SHB: variants seen among roughly 807,000 people sequenced by gnomAD.
SHB encodes the protein SH2 domain-containing adapter protein B.
SHB carries 20 observed loss-of-function variants against 52.3 expected under a neutral mutation model. The observed-to-expected ratio is 0.38, with a 90% CI of 0.27 to 0.56. SHB has a LOEUF of 0.56. Ranked by LOEUF, SHB falls within the 20% of genes least tolerant of loss-of-function variation. The pLI is 0.71. For missense variants in SHB, 825 were observed against 723.3 expected (o/e 1.14, Z -1.61); for synonymous variants, 397 against 316.5 (o/e 1.25, Z -2.70).
intron 4 of SHB, among the ~76,000 whole-genome samples, chr9:37,951,472 C>T (rs1832565982): frequency 6.6e-6 from 1 of 152,228 alleles, no homozygotes; most frequent in Non-Finnish European, 1.5e-5. Flanking sequence ...TAAGAGTTAA[C>T]AGGTTTGGGA....
chr9:38,036,576 A>G (rs1821490616), intron 1 of SHB, among the ~76,000 whole-genome samples: 2 of 152,306 alleles, frequency 1.3e-5, no homozygotes, highest in Middle Eastern at 3.4e-3. Flanking sequence ...CTCAACGTCT[A>G]CAGAGCAAAT....
At chr9:38,040,933 C>A (rs1041421723) in intron 1 of SHB, among the ~76,000 whole-genome samples, 1 of 151,902 alleles carries the variant, frequency 6.6e-6, no homozygotes, top group South Asian at 2.1e-4. Context: ...TAAAGCCACA[C>A]TGGGGACACG....
intron 5 of SHB, among the ~76,000 whole-genome samples, chr9:37,930,101 CA>C (rs1832296394): frequency 6.6e-6 from 1 of 152,046 alleles, no homozygotes; most frequent in Admixed American, 6.6e-5. Context: ...GACCCTGTCT[CA>C]AAAAACAAAA....
At chr9:38,051,929 T>C (rs1821755981) in intron 1 of SHB, among the ~76,000 whole-genome samples, 1 of 152,188 alleles carries the variant, frequency 6.6e-6, no homozygotes, top group Non-Finnish European at 1.5e-5. Flanking sequence ...GAGCACTTAC[T>C]GTTTTTCGAA....
intron 2 of SHB, among the ~76,000 whole-genome samples, chr9:37,994,487 GGGAGA>G (rs1245302685): frequency 6.6e-6 from 1 of 152,188 alleles, no homozygotes; most frequent in African/African-American, 2.4e-5. Flanking sequence ...AACTGGACTC[GGGAGA>G]CTTAGGTTCA....
intron 2 of SHB, among the ~76,000 whole-genome samples, chr9:38,013,037 T>C (rs1821160892): frequency 6.6e-6 from 1 of 151,784 alleles, no homozygotes; most frequent in Non-Finnish European, 1.5e-5. Flanking sequence ...ATCACTGGGG[T>C]GACGCCACAA....
intron 3 of SHB, among the ~76,000 whole-genome samples, chr9:37,962,100 C>A (rs941045952): frequency 2.6e-5 from 4 of 152,216 alleles, no homozygotes; most frequent in Non-Finnish European, 1.5e-5. Context: ...GCCTTAGCTG[C>A]CTCATCTGCA....
chr9:37,948,800 C>T (rs1330412642), intron 4 of SHB, 46 bp from the exon 5 acceptor site: 6 of 1,609,962 alleles, frequency 3.7e-6, no homozygotes, highest in Non-Finnish European at 4.2e-6. Context: ...CGATGGGATT[C>T]CCATGGCCCT....
intron 1 of SHB, among the ~76,000 whole-genome samples, chr9:38,060,956 C>T (rs1821883693): frequency 6.6e-6 from 1 of 152,208 alleles, no homozygotes; most frequent in Non-Finnish European, 1.5e-5. Flanking sequence ...CTGATGGTGG[C>T]CTGCATATAG....
At chr9:37,926,931 A>G (rs1288013391) in intron 5 of SHB, among the ~76,000 whole-genome samples, 1 of 152,164 alleles carries the variant, frequency 6.6e-6, no homozygotes, top group Non-Finnish European at 1.5e-5. Flanking sequence ...GGCCTGGCCT[A>G]CCTCTGGCAT....
rs117559764 is a variant in SHB, at chr9:38,044,195, C to T, written c.717+23734G>A. Among the ~76,000 whole-genome samples, 157 of 152,320 alleles carry T rather than the reference C, an allele frequency of 1.0e-3. No individual in the cohort carries two copies. In the East Asian group the frequency reaches 0.013, roughly 13 times the overall value. ...TCATTATCTGGCAACTCAGTCACAC[C>T]GGAAAGGGCAAATAATGGGGTGAGC... On this transcript the variant is annotated intron_variant, in intron 1 of 5. Coordinates refer to ENST00000377707, the MANE Select transcript of SHB (RefSeq NM_003028.3).
chr9:37,937,701 G>C (rs1032172672), intron 5 of SHB, among the ~76,000 whole-genome samples: 9 of 152,256 alleles, frequency 5.9e-5, no homozygotes, highest in African/African-American at 2.2e-4. Flanking sequence ...GAAGACAAGG[G>C]CTATAAAATT....
intron 2 of SHB, among the ~76,000 whole-genome samples, chr9:37,999,670 C>T (rs1820989700): frequency 6.6e-6 from 1 of 152,154 alleles, no homozygotes; most frequent in South Asian, 2.1e-4. Flanking sequence ...AGCCCAACCA[C>T]CAGCAGCACG....
chr9:37,921,098 G>GC (rs1351562915), intron 5 of SHB, among the ~76,000 whole-genome samples: 1 of 152,110 alleles, frequency 6.6e-6, no homozygotes, highest in African/African-American at 2.4e-5. Context: ...TCAGTTCCAC[G>GC]CCTTTTATGA....
At chr9:37,972,661 C>G (rs1357918110) in intron 3 of SHB, among the ~76,000 whole-genome samples, 1 of 152,162 alleles carries the variant, frequency 6.6e-6, no homozygotes, top group African/African-American at 2.4e-5. Flanking sequence ...AATGTTTAAG[C>G]TGGGCCTCAA....
chr9:37,917,035 A>T lies in SHB; in HGVS notation c.*2786T>A, dbSNP rs529836079. On this transcript the variant is annotated 3_prime_UTR_variant, in exon 6 of 6. Coordinates refer to ENST00000377707, the MANE Select transcript of SHB (RefSeq NM_003028.3). Reference sequence around the variant, plus strand: ...TTTTTCCCCAATTAATTGGCAGCAGATGAAAAAAAAAAAAAACAAACCCAA... The same window carrying T: ...TTTTTCCCCAATTAATTGGCAGCAGTTGAAAAAAAAAAAAAACAAACCCAA... 6.7e-6 allele frequency among the ~76,000 whole-genome samples: 1 copy of T among 148,968 alleles called. No individual in the cohort carries two copies. Among genetic ancestry groups the T allele is most frequent in the African/African-American group, 2.5e-5 (1 of 39,546 alleles).
At chr9:37,954,137 G>A (rs1333455667) in intron 4 of SHB, among the ~76,000 whole-genome samples, 5 of 152,212 alleles carry the variant, frequency 3.3e-5, no homozygotes, top group Non-Finnish European at 7.3e-5. Flanking sequence ...TCAGAAATAA[G>A]CAAAACCTGT....
intron 1 of SHB, among the ~76,000 whole-genome samples, chr9:38,030,558 A>G (rs1018155517): frequency 2.6e-5 from 4 of 152,204 alleles, no homozygotes; most frequent in Non-Finnish European, 4.4e-5. Flanking sequence ...AAATGCCAGT[A>G]TATCAGGGAC....
At chr9:38,042,385 T>A (rs917365640) in intron 1 of SHB, among the ~76,000 whole-genome samples, 1 of 152,226 alleles carries the variant, frequency 6.6e-6, no homozygotes, top group African/African-American at 2.4e-5. Context: ...AGCAGTGTTG[T>A]GCGTAACACA....
Sources: allele counts gnomAD v4.1 joint callset (sites outside exome capture counted in the v4.1 genomes callset), GRCh38; gene constraint gnomAD v4.1.1; transcripts MANE v1.5; gene names NCBI Gene and HGNC (gene_info 2026-07-23, HGNC 2026-07-21).